HDAC9: variants seen among roughly 807,000 people sequenced by gnomAD.
HDAC9 encodes MEF-2 interacting transcription repressor (MITR) protein.
Under a neutral mutation model 139.4 loss-of-function variants are expected in HDAC9, and 41 were observed. The ratio of observed to expected loss-of-function variants is 0.29; its 90% confidence interval spans 0.23 to 0.38. HDAC9 has a LOEUF of 0.38. HDAC9 is among the 10% of genes least tolerant of loss of function. The pLI is 1.00. For missense variants in HDAC9, 1,147 were observed against 1,297.0 expected, an observed-to-expected ratio of 0.88 and a Z score of 1.78; for synonymous variants, 517 against 476.2, an observed-to-expected ratio of 1.09 and a Z score of -1.12.
intron 2 of HDAC9, among the ~76,000 whole-genome samples, chr7:18,574,283 A>G (rs1388220544): frequency 6.6e-6 from 1 of 152,166 alleles, no homozygotes; most frequent in East Asian, 1.9e-4. Context: ...TAGTCCAGAC[A>G]TCTGTGCAGC....
intron 21 of HDAC9, among the ~76,000 whole-genome samples, chr7:18,870,107 A>G (rs1798801070): frequency 6.6e-6 from 1 of 152,148 alleles, no homozygotes; most frequent in African/African-American, 2.4e-5. Context: ...AGTGTACCCT[A>G]ATATTAAAAA....
At chr7:18,310,378 C>A (rs564472260) in intron 1 of HDAC9, among the ~76,000 whole-genome samples, 62 of 152,296 alleles carry the variant, frequency 4.1e-4, no homozygotes, top group African/African-American at 1.5e-3. Flanking sequence ...GCATCTCTGG[C>A]TGTGTTCACA....
chr7:18,324,640 A>T (rs1164278247), intron 1 of HDAC9, among the ~76,000 whole-genome samples: 2 of 152,214 alleles, frequency 1.3e-5, no homozygotes, highest in East Asian at 3.9e-4. Context: ...TGCCTCACTC[A>T]GGGCCCATTG....
chr7:18,161,469 A>G (rs1263870969), intron 1 of HDAC9, among the ~76,000 whole-genome samples: 1 of 152,218 alleles, frequency 6.6e-6, no homozygotes, highest in Non-Finnish European at 1.5e-5. Flanking sequence ...TAAGAAACTC[A>G]TTAAGTGTAA....
chr7:18,829,150 T>C lies in HDAC9; in HGVS notation c.2323-11T>C, dbSNP rs1457932146. Reference sequence around the variant, plus strand: ...ATATCTGACCATTGAAAACCTGTCTTGTTTTCACAGAATGGGTTTGCTGTT... The same window carrying C: ...ATATCTGACCATTGAAAACCTGTCTCGTTTTCACAGAATGGGTTTGCTGTT... On this transcript the variant is annotated splice_polypyrimidine_tract_variant and intron_variant, in intron 17 of 25. Coordinates refer to ENST00000686413, the MANE Select transcript of HDAC9 (RefSeq NM_178425.4). 6.2e-7 allele frequency: 1 copy of C among 1,604,342 alleles called. No individual in the cohort carries two copies. Among genetic ancestry groups the C allele is most frequent in the Non-Finnish European group, 8.5e-7 (1 of 1,171,182 alleles).
chr7:18,377,825 C>A (rs1785110149), intron 1 of HDAC9, among the ~76,000 whole-genome samples: 1 of 152,028 alleles, frequency 6.6e-6, no homozygotes, highest in African/African-American at 2.4e-5. Flanking sequence ...CTGCAGTTAT[C>A]CATACAAAGA....
intron 1 of HDAC9, among the ~76,000 whole-genome samples, chr7:18,384,617 G>C (rs1785744004): frequency 6.6e-6 from 1 of 152,132 alleles, no homozygotes; most frequent in Non-Finnish European, 1.5e-5. Context: ...AGTAAGTTGA[G>C]ATTCAGGGAG....
At chr7:18,667,581 A>G in intron 12 of HDAC9, 1 of 985,340 alleles carries the variant, frequency 1.0e-6, no homozygotes, top group Non-Finnish European at 1.2e-6. Context: ...TGTTTATTCA[A>G]GTCAGTTCTT....
chr7:18,779,221 C>T (rs939296353), intron 16 of HDAC9, among the ~76,000 whole-genome samples: 1 of 152,044 alleles, frequency 6.6e-6, no homozygotes, highest in Non-Finnish European at 1.5e-5. Context: ...GGTTCACCCA[C>T]CCATTGTTAT....
At chr7:18,401,921 C>T (rs1787582337) in intron 1 of HDAC9, among the ~76,000 whole-genome samples, 1 of 152,186 alleles carries the variant, frequency 6.6e-6, no homozygotes, top group Non-Finnish European at 1.5e-5. Context: ...TATTCTCAAT[C>T]TGTTGTTCCC....
At chr7:18,975,425 A>T (rs192463812) in intron 24 of HDAC9, among the ~76,000 whole-genome samples, 1 of 152,278 alleles carries the variant, frequency 6.6e-6, no homozygotes, top group Non-Finnish European at 1.5e-5. Flanking sequence ...TAACAGTACG[A>T]TTCCATTCAT....
intron 1 of HDAC9, among the ~76,000 whole-genome samples, chr7:18,451,047 C>T (rs1028477784): frequency 6.6e-6 from 1 of 152,064 alleles, no homozygotes; most frequent in African/African-American, 2.4e-5. Context: ...AACCTAGTCA[C>T]CATTGTGGTG....
intron 21 of HDAC9, among the ~76,000 whole-genome samples, chr7:18,847,734 C>T (rs944763887): frequency 6.6e-6 from 1 of 152,228 alleles, no homozygotes; most frequent in African/African-American, 2.4e-5. Flanking sequence ...ATTCCATCCT[C>T]CCCATTCTGG....
upstream of HDAC9, among the ~76,000 whole-genome samples, chr7:18,494,250 C>G (rs1350038457): frequency 1.3e-4 from 20 of 151,958 alleles, no homozygotes; most frequent in Non-Finnish European, 2.9e-5. Flanking sequence ...AGAAATTAAT[C>G]TGTGAAAGAA....
intron 2 of HDAC9, among the ~76,000 whole-genome samples, chr7:18,207,653 TACAC>T (rs575317080): frequency 3.3e-5 from 5 of 149,544 alleles, no homozygotes; most frequent in African/African-American, 9.8e-5. Context: ...TGTGCATGCA[TACAC>T]ACACACACAC....
chr7:18,707,476 A>G (rs868767701), intron 12 of HDAC9, among the ~76,000 whole-genome samples: 2 of 152,318 alleles, frequency 1.3e-5, no homozygotes, highest in Non-Finnish European at 2.9e-5. Flanking sequence ...GTATGAAAAT[A>G]TTTATAAATA....
chr7:18,909,261 A>T (rs80335062), intron 22 of HDAC9, among the ~76,000 whole-genome samples: 7,837 of 151,766 alleles, frequency 0.052, 260 homozygotes, highest in South Asian at 0.13. Flanking sequence ...TATTTTGCTG[A>T]TGAGTTGTTT....
At chr7:18,641,687 G>T (rs1363237146) in intron 8 of HDAC9, among the ~76,000 whole-genome samples, 1 of 152,078 alleles carries the variant, frequency 6.6e-6, no homozygotes, top group Non-Finnish European at 1.5e-5. Context: ...GGCTGGGCCA[G>T]ATTCAAAACT....
chr7:18,193,870 T>C (rs1192986854), intron 2 of HDAC9, among the ~76,000 whole-genome samples: 1 of 152,188 alleles, frequency 6.6e-6, no homozygotes, highest in Non-Finnish European at 1.5e-5. Context: ...TTCCTGAAGG[T>C]GGTGTTCTGT....
Sources: gnomAD v4.1 joint callset for allele counts (sites outside exome capture counted in the v4.1 genomes callset) on GRCh38, gnomAD v4.1.1 for gene constraint, MANE v1.5 for transcripts, NCBI Gene and HGNC (gene_info 2026-07-23, HGNC 2026-07-21) for gene names.